Variants in CACNA2D2 observed in about 807,000 individuals in gnomAD.
CACNA2D2 encodes calcium voltage-gated channel auxiliary subunit alpha2delta 2, also known as voltage-dependent calcium channel subunit alpha-2/delta-2.
Under a neutral mutation model 166.4 loss-of-function variants are expected in CACNA2D2, and 48 were observed. The ratio of observed to expected loss-of-function variants is 0.29; its 90% confidence interval spans 0.23 to 0.37. The LOEUF is 0.37. Among genes scored for constraint, CACNA2D2 ranks in the 10% least tolerant of loss-of-function variants. The probability of loss-of-function intolerance (pLI) is 1.00; values close to 1 mark genes in which losing one functional copy is unlikely to be tolerated. For missense variants in CACNA2D2, 1,122 were observed against 1,433.0 expected, an observed-to-expected ratio of 0.78 and a Z score of 3.50; for synonymous variants, 561 against 573.7, an observed-to-expected ratio of 0.98 and a Z score of 0.32.
intron 1 of CACNA2D2, among the ~76,000 whole-genome samples, chr3:50,484,614 C>G (rs774253327): frequency 3.3e-5 from 5 of 152,208 alleles, no homozygotes; most frequent in Non-Finnish European, 7.3e-5. Flanking sequence ...TCCACACACA[C>G]GTCACCTGCT....
At position 50,365,638 on chromosome 3, in the gene CACNA2D2, T is replaced by C; in HGVS notation, c.2966A>G (p.Gln989Arg). Residue 989 changes from glutamine to arginine, a missense_variant, in exon 34 of 38, where the codon CAA (glutamine) becomes CGA (arginine). By Grantham distance (43) the Gln-to-Arg change is conservative (BLOSUM62 1). This residue lies in a region of CACNA2D2 where 282 missense variants were observed against 266.2 expected (regional missense o/e 1.06). Transcript: ENST00000424201. The surrounding 1 kb of genome is among the most constrained non-coding windows in gnomAD (Gnocchi z 4.5). ...LYGLIYHSWF[Q>R]ADPAEAEGSP... ...GCCTCCAAAGCCCTACCTACCTGCT[T>C]GGAACCAGCTGTGGTAGATGAGGCC... is the stretch of plus-strand genomic sequence containing the variant. 6.3e-7 allele frequency: 1 copy of C among 1,578,378 alleles called. No individual in the cohort carries two copies. The highest frequency in any genetic ancestry group is 1.7e-4 in the Middle Eastern group (1 of 6,016).
chr3:50,398,188 C>T (rs1361787227), intron 3 of CACNA2D2, among the ~76,000 whole-genome samples: 2 of 152,126 alleles, frequency 1.3e-5, no homozygotes, highest in Non-Finnish European at 2.9e-5. Context: ...TGGGGAGATG[C>T]ACTCCATTCC....
chr3:50,376,969 C>A lies in CACNA2D2; in HGVS notation c.1626+498G>T, dbSNP rs1001165202. 6.6e-6 allele frequency among the ~76,000 whole-genome samples: 1 copy of A among 152,248 alleles called. No individual in the cohort carries two copies. Among genetic ancestry groups the A allele is most frequent in the Non-Finnish European group, 1.5e-5 (1 of 68,050 alleles). ...TGTACGCCATCCCCTCCTTTCCTTT[C>A]TGCCTGGGACACTCCTGCCTATGTG... On this transcript the variant is annotated intron_variant, in intron 17 of 37. Coordinates refer to ENST00000424201, the MANE Select transcript of CACNA2D2 (RefSeq NM_006030.4). The surrounding 1 kb of genome is among the most constrained non-coding windows in gnomAD (Gnocchi z 4.3).
At position 50,398,145 on chromosome 3, in the gene CACNA2D2, C is replaced by T. The variant is rs566310800; in HGVS notation, c.406-3977G>A. Among the ~76,000 whole-genome samples, 15 of 152,330 alleles carry T rather than the reference C, an allele frequency of 9.8e-5. No homozygotes were observed. In the South Asian group the frequency reaches 1.7e-3, roughly 17 times the overall value. On this transcript the variant is annotated intron_variant, in intron 3 of 37. Transcript: ENST00000424201. ...ATTGGGATACCACGCAGGGCAGGGA[C>T]AGGGTGCCTGTCTCTGGAGTGCCTG...
Position 50,378,288 on chromosome 3 carries a change from G to A in CACNA2D2, c.1385C>T (p.Thr462Ile). The A allele has an allele frequency of 6.4e-7, 1 of 1,553,388 alleles. No homozygotes were observed. Among genetic ancestry groups the A allele is most frequent in the Non-Finnish European group, 8.7e-7 (1 of 1,148,110 alleles). The change falls in exon 14 of 38, where the codon ACA (threonine) becomes ATA (isoleucine). Residue 462 changes from threonine to isoleucine, a missense_variant. Transcript: ENST00000424201. ...IPSIGAIRIN[T>I]QEYLDVLGRP... ...AGGGGCCTCCCCAAGTCTCACCTGTGTGTTGATGCGGATGGCTCCGATGGA... is the reference window on the plus strand; with the variant it reads ...AGGGGCCTCCCCAAGTCTCACCTGTATGTTGATGCGGATGGCTCCGATGGA...
upstream of CACNA2D2, chr3:50,503,706 C>G (rs1336366943): frequency 1.3e-5 from 2 of 152,970 alleles, no homozygotes; most frequent in Admixed American, 6.6e-5. Flanking sequence ...TCTTCTCTCC[C>G]TCCCTCCCTC....
At chr3:50,434,861 G>A (rs1282490579) in intron 2 of CACNA2D2, among the ~76,000 whole-genome samples, 1 of 152,072 alleles carries the variant, frequency 6.6e-6, no homozygotes, top group East Asian at 1.9e-4. Context: ...ATCCCAAAAA[G>A]AAGATGCTCA....
intron 3 of CACNA2D2, among the ~76,000 whole-genome samples, chr3:50,412,025 C>T (rs529184778): frequency 2.0e-5 from 3 of 152,308 alleles, no homozygotes; most frequent in South Asian, 2.1e-4. Flanking sequence ...GGTTAGAACA[C>T]AAAACACTGG....
intron 1 of CACNA2D2, among the ~76,000 whole-genome samples, chr3:50,491,699 G>A (rs1194515942): frequency 1.3e-5 from 2 of 152,226 alleles, no homozygotes. Context: ...AAGAGACCCG[G>A]ATCAGGGGAG....
intron 3 of CACNA2D2, among the ~76,000 whole-genome samples, chr3:50,428,794 G>A (rs1257252823): frequency 1.3e-5 from 2 of 152,192 alleles, no homozygotes; most frequent in Non-Finnish European, 2.9e-5. Context: ...CCCTGTCAGA[G>A]GAAACCAGTG....
At chr3:50,388,908 G>A (rs1705745541) in intron 4 of CACNA2D2, among the ~76,000 whole-genome samples, 1 of 152,260 alleles carries the variant, frequency 6.6e-6, no homozygotes, top group Non-Finnish European at 1.5e-5. Context: ...CACCACGCAT[G>A]GGTAAGACCA....
intron 2 of CACNA2D2, among the ~76,000 whole-genome samples, chr3:50,439,966 A>G (rs1708513551): frequency 6.6e-6 from 1 of 152,168 alleles, no homozygotes; most frequent in Non-Finnish European, 1.5e-5. Context: ...CAGTGAGAAA[A>G]TAGAGGGTAT....
rs151272438 is a variant in CACNA2D2, at chr3:50,378,350, G to A, written c.1340-17C>T. The A allele has an allele frequency of 1.7e-3, 2,666 of 1,551,270 alleles. 6 individuals carry two copies. The highest frequency in any genetic ancestry group is 2.3e-3 in the Admixed American group (115 of 51,034). Reference sequence around the variant, plus strand: ...AATAGTAGCCTGTGAAGGAAGGAGAGGCAGAGGTGGGCCTGGCTGGCACTG... The same window carrying A: ...AATAGTAGCCTGTGAAGGAAGGAGAAGCAGAGGTGGGCCTGGCTGGCACTG... On this transcript the variant is annotated splice_polypyrimidine_tract_variant and intron_variant, in intron 13 of 37. Transcript: ENST00000424201.
At chr3:50,494,826 T>C (rs1030587206) in intron 1 of CACNA2D2, among the ~76,000 whole-genome samples, 2 of 151,644 alleles carry the variant, frequency 1.3e-5, no homozygotes, top group Admixed American at 6.6e-5. Flanking sequence ...AGGTGTACAC[T>C]ACTACACCTG....
chr3:50,492,665 C>G (rs1698566150), intron 1 of CACNA2D2, among the ~76,000 whole-genome samples: 1 of 152,184 alleles, frequency 6.6e-6, no homozygotes, highest in East Asian at 1.9e-4. Flanking sequence ...TACTTCTGGT[C>G]CTTGGGTGGT....
intron 6 of CACNA2D2, among the ~76,000 whole-genome samples, chr3:50,381,981 TAC>T (rs34662551): frequency 0.56 from 75,135 of 133,164 alleles, 21,809 homozygotes; most frequent in Non-Finnish European, 0.68. Context: ...GATCTATCCC[TAC>T]ACACACACAC....
chr3:50,366,472 A>G lies in CACNA2D2; in HGVS notation c.2637+106T>C. The G allele has an allele frequency of 6.8e-7, 1 of 1,461,906 alleles. No homozygotes were observed. The highest frequency in any genetic ancestry group is 9.6e-7 in the Non-Finnish European group (1 of 1,042,260). 90.6% of individuals were successfully genotyped at this position (1,461,906 alleles called of 1,614,324 possible). A position where few individuals can be genotyped will look rare whatever the true frequency, so the allele number is the denominator to read the frequency against. On this transcript the variant is annotated intron_variant, in intron 30 of 37. Transcript: ENST00000424201. This position sits in a 1 kb window ranked among gnomAD's most constrained non-coding sequence, Gnocchi z 5.9. ...GGAAGGCTGTGAAGTCAGGGTGGGG[A>G]TGTTGAGACCCACAGGCCAAGGGAT...
At chr3:50,455,602 G>T (rs1384810268) in intron 2 of CACNA2D2, among the ~76,000 whole-genome samples, 1 of 152,130 alleles carries the variant, frequency 6.6e-6, no homozygotes, top group African/African-American at 2.4e-5. Flanking sequence ...TCAGATTACT[G>T]TTCTCTGCAG....
chr3:50,432,147 G>C (rs1001756163), intron 3 of CACNA2D2, among the ~76,000 whole-genome samples: 1 of 152,146 alleles, frequency 6.6e-6, no homozygotes, highest in African/African-American at 2.4e-5. Flanking sequence ...TTGGGACCAG[G>C]ACCTCAGGCC....
Sources: allele counts gnomAD v4.1 joint callset (sites outside exome capture counted in the v4.1 genomes callset), GRCh38; gene constraint gnomAD v4.1.1; regional missense constraint gnomAD v4.1.1; non-coding constraint Gnocchi (gnomAD v3.1); transcripts MANE v1.5; gene names NCBI Gene and HGNC (gene_info 2026-07-23, HGNC 2026-07-21).